PRKCE: variants seen among roughly 807,000 people sequenced by gnomAD.
PRKCE encodes protein kinase C epsilon type.
Under a neutral mutation model 85.4 loss-of-function variants are expected in PRKCE, and 16 were observed. The observed-to-expected ratio is 0.19, with a 90% CI of 0.13 to 0.28. The LOEUF is 0.28. PRKCE is among the 10% of genes least tolerant of loss of function. PRKCE has a pLI of 1.00. For missense variants in PRKCE, 573 were observed against 975.2 expected, an observed-to-expected ratio of 0.59 and a Z score of 5.49; for synonymous variants, 388 against 371.5, an observed-to-expected ratio of 1.04 and a Z score of -0.51.
chr2:45,711,572 C>T (rs1253071887), intron 1 of PRKCE, among the ~76,000 whole-genome samples: 1 of 152,198 alleles, frequency 6.6e-6, no homozygotes, highest in African/African-American at 2.4e-5. Context: ...GTTAAATTAA[C>T]TATATAAGTG....
chr2:46,134,298 C>G (rs1674746507), intron 11 of PRKCE, among the ~76,000 whole-genome samples: 1 of 152,144 alleles, frequency 6.6e-6, no homozygotes, highest in Non-Finnish European at 1.5e-5. Context: ...AGGATAGACA[C>G]TCATAGTGGA....
intron 2 of PRKCE, among the ~76,000 whole-genome samples, chr2:45,914,847 G>A (rs1324906157): frequency 6.6e-6 from 1 of 152,148 alleles, no homozygotes; most frequent in African/African-American, 2.4e-5. Context: ...ACGTAATAGG[G>A]AACTCTTTCT....
chr2:45,956,677 T>G (rs890139299), intron 2 of PRKCE, among the ~76,000 whole-genome samples: 4 of 152,056 alleles, frequency 2.6e-5, no homozygotes, highest in Admixed American at 1.3e-4. Flanking sequence ...AGAGCGAGAC[T>G]CGGTCTCACA....
chr2:46,080,383 A>G (rs1668960736), intron 10 of PRKCE, among the ~76,000 whole-genome samples: 1 of 152,224 alleles, frequency 6.6e-6, no homozygotes, highest in African/African-American at 2.4e-5. Flanking sequence ...AGCTTTGTTG[A>G]GTAGAAAACA....
At chr2:45,807,066 C>T (rs1167506000) in intron 1 of PRKCE, among the ~76,000 whole-genome samples, 1 of 152,174 alleles carries the variant, frequency 6.6e-6, no homozygotes, top group African/African-American at 2.4e-5. Flanking sequence ...TCAGGGCTGG[C>T]ACGGGCTGGG....
intron 11 of PRKCE, among the ~76,000 whole-genome samples, chr2:46,096,642 A>G (rs1223803276): frequency 2.0e-5 from 3 of 152,096 alleles, no homozygotes; most frequent in African/African-American, 4.8e-5. Context: ...AAAGAAACCA[A>G]CCCTGCCAGC....
chr2:46,085,377 C>G (rs963523859), intron 10 of PRKCE, among the ~76,000 whole-genome samples: 3 of 152,190 alleles, frequency 2.0e-5, no homozygotes, highest in African/African-American at 7.2e-5. Context: ...CTGGGACTGC[C>G]TCAACAAATT....
intron 2 of PRKCE, among the ~76,000 whole-genome samples, chr2:45,919,539 C>A (rs764580052): frequency 1.3e-5 from 2 of 152,238 alleles, no homozygotes; most frequent in Non-Finnish European, 2.9e-5. Flanking sequence ...TGTGAACTGG[C>A]CTCCAAGGGA....
intron 2 of PRKCE, among the ~76,000 whole-genome samples, chr2:45,934,889 C>CAA (rs35925836): frequency 0.13 from 14,619 of 108,616 alleles, 1,262 homozygotes; most frequent in African/African-American, 0.28. Flanking sequence ...CATGTCTCTA[C>CAA]AAAAAAAAAA....
chr2:46,055,193 C>G lies in PRKCE; in HGVS notation c.1438-31015C>G, dbSNP rs547108188. On this transcript the variant is annotated intron_variant, in intron 10 of 14. Transcript: ENST00000306156. Reference sequence around the variant, plus strand: ...GCAAAACTAAAAGGACACTATTATACTGCTTCTGGGGCTTCAGGGATCACA... The same window carrying G: ...GCAAAACTAAAAGGACACTATTATAGTGCTTCTGGGGCTTCAGGGATCACA... Among the ~76,000 whole-genome samples the G allele has an allele frequency of 3.3e-5, 5 of 152,352 alleles. No homozygotes were observed. In the South Asian group the frequency reaches 1.0e-3, roughly 32 times the overall value.
intron 11 of PRKCE, among the ~76,000 whole-genome samples, chr2:46,141,013 G>A (rs564596997): frequency 1.3e-4 from 20 of 152,120 alleles, no homozygotes; most frequent in Non-Finnish European, 2.1e-4. Flanking sequence ...GAAAGATATC[G>A]GAAGCAGGCA....
intron 1 of PRKCE, among the ~76,000 whole-genome samples, chr2:45,731,651 T>G (rs1681587679): frequency 7.1e-6 from 1 of 141,614 alleles, no homozygotes; most frequent in Non-Finnish European, 1.5e-5. Context: ...TGAGGCAGGG[T>G]CTCACTCTGT....
rs1317272592 is a variant in PRKCE at position 45,880,980 on chromosome 2, C to T, written c.412+37917C>T. Among the ~76,000 whole-genome samples, 11 of 151,930 alleles carry T rather than the reference C, an allele frequency of 7.2e-5. No homozygotes were observed. In the South Asian group the frequency reaches 1.3e-3, roughly 17 times the overall value. On this transcript the variant is annotated intron_variant, in intron 2 of 14. Transcript: ENST00000306156. ...CATCCGGGCTAAAACGGTGAAACCCCGTCTCTACTAAAAATACAAAAAATT... is the reference window on the plus strand; with the variant it reads ...CATCCGGGCTAAAACGGTGAAACCCTGTCTCTACTAAAAATACAAAAAATT...
intron 10 of PRKCE, among the ~76,000 whole-genome samples, chr2:46,024,730 C>G (rs2104902976): frequency 6.6e-6 from 1 of 152,278 alleles, no homozygotes; most frequent in South Asian, 2.1e-4. Flanking sequence ...CTTTTGTTCT[C>G]AGTGTTTCTT....
Position 45,831,516 on chromosome 2 carries a change from G to A in PRKCE, c.349-11484G>A, listed in dbSNP as rs540490378. Reference sequence around the variant, plus strand: ...CTACAGTTGATGGCATAAGAAATTGGCATTTTAGGTGTGTGAGTTTTTTTG... The same window carrying A: ...CTACAGTTGATGGCATAAGAAATTGACATTTTAGGTGTGTGAGTTTTTTTG... On this transcript the variant is annotated intron_variant, in intron 1 of 14. Coordinates refer to ENST00000306156, the MANE Select transcript of PRKCE (RefSeq NM_005400.3). 2.7e-5 allele frequency among the ~76,000 whole-genome samples: 4 copies of A among 149,716 alleles called. No individual in the cohort carries two copies. In the South Asian group the frequency reaches 6.2e-4, roughly 23 times the overall value.
intron 10 of PRKCE, among the ~76,000 whole-genome samples, chr2:46,042,046 G>A (rs977490851): frequency 5.3e-5 from 8 of 152,316 alleles, no homozygotes; most frequent in African/African-American, 1.9e-4. Flanking sequence ...ATGATCTGTA[G>A]CTGAACTCCA....
chr2:45,709,491 C>A (rs1679420055), intron 1 of PRKCE, among the ~76,000 whole-genome samples: 1 of 152,218 alleles, frequency 6.6e-6, no homozygotes, highest in Non-Finnish European at 1.5e-5. Flanking sequence ...ACTAGATGAT[C>A]ATGGATGTCT....
intron 10 of PRKCE, among the ~76,000 whole-genome samples, chr2:46,048,532 G>T (rs896224765): frequency 1.3e-5 from 2 of 152,200 alleles, no homozygotes; most frequent in Admixed American, 1.3e-4. Context: ...TAAGCAAGGT[G>T]CTCGGGTCTT....
intron 11 of PRKCE, among the ~76,000 whole-genome samples, chr2:46,088,763 C>A (rs1450494309): frequency 6.6e-6 from 1 of 152,176 alleles, no homozygotes; most frequent in African/African-American, 2.4e-5. Flanking sequence ...AACGCCATTT[C>A]TTGAGATGCC....
Sources: allele counts gnomAD v4.1 joint callset (sites outside exome capture counted in the v4.1 genomes callset), GRCh38; gene constraint gnomAD v4.1.1; transcripts MANE v1.5; gene names NCBI Gene and HGNC (gene_info 2026-07-23, HGNC 2026-07-21).